Variants in GLIS1 observed in about 807,000 individuals in gnomAD.
GLIS1 encodes GLIS family zinc finger 1, also known as zinc finger protein GLIS1.
Under a neutral mutation model 63.8 loss-of-function variants are expected in GLIS1, and 24 were observed. The observed-to-expected ratio is 0.38, with a 90% CI of 0.27 to 0.53. The LOEUF is 0.53. Among genes scored for constraint, GLIS1 ranks in the 20% least tolerant of loss-of-function variants. GLIS1 has a pLI of 0.85. For synonymous variants in GLIS1, 450 were observed against 482.5 expected (o/e 0.93, Z 0.88); for missense variants, 1,036 against 1,074.1 (o/e 0.96, Z 0.50).
chr1:53,636,753 G>C (rs147888393), intron 2 of GLIS1, among the ~76,000 whole-genome samples: 2 of 152,282 alleles, frequency 1.3e-5, no homozygotes, highest in East Asian at 3.9e-4. Flanking sequence ...TCAGTCACTC[G>C]GCGACGCCTA....
chr1:53,633,168 G>A (rs556801445), intron 2 of GLIS1, among the ~76,000 whole-genome samples: 3 of 149,196 alleles, frequency 2.0e-5, no homozygotes, highest in East Asian at 2.0e-4. Context: ...GAGTGTGACC[G>A]AGGGGCATGT....
rs779719548 is a variant in GLIS1 at position 53,509,988 on chromosome 1, C to T, written c.1923G>A (p.Leu641=). 2.3e-5 allele frequency: 29 copies of T among 1,287,034 alleles called. No homozygotes were observed. Among genetic ancestry groups the T allele is most frequent in the East Asian group, 5.8e-5 (2 of 34,778 alleles). 79.7% of individuals were successfully genotyped at this position (1,287,034 alleles called of 1,614,324 possible). The stretch of plus-strand genomic sequence containing the variant: ...GCAGCGGCGGTGGCCCCAGCCCCTT[C>T]AGGGGGCTGACTATTGGTGAGAGGA... ...PGLLSPIVSP[L]KGLGPPPLPP... Residue 641 remains leucine (L), a synonymous_variant, in exon 9 of 11, where the codon CTG becomes CTA. Coordinates refer to ENST00000628545, the MANE Select transcript of GLIS1 (RefSeq NM_001367484.1).
chr1:53,578,556 C>G (rs1336783501), intron 4 of GLIS1, among the ~76,000 whole-genome samples: 1 of 152,210 alleles, frequency 6.6e-6, no homozygotes. Flanking sequence ...AAACTGCCCC[C>G]AGCACACAAG....
At chr1:53,518,094 C>A (rs60792673) in intron 7 of GLIS1, among the ~76,000 whole-genome samples, 1 of 152,208 alleles carries the variant, frequency 6.6e-6, no homozygotes, top group African/African-American at 2.4e-5. Context: ...ATCTGCCCTG[C>A]GGCCTGCAGA....
At chr1:53,524,610 G>A (rs368497842) in intron 6 of GLIS1, among the ~76,000 whole-genome samples, 167 bp downstream of exon 6, 8 of 152,182 alleles carry the variant, frequency 5.3e-5, no homozygotes, top group Admixed American at 4.6e-4. Context: ...GAGACACTAA[G>A]GGCAGGTGGG....
At chr1:53,593,962 C>G in intron 4 of GLIS1, 146 bp downstream of exon 4, 1 of 997,504 alleles carries the variant, frequency 1.0e-6, no homozygotes, top group Non-Finnish European at 1.4e-6. Flanking sequence ...GGGCCACATC[C>G]ACAGCATGGG....
intron 2 of GLIS1, among the ~76,000 whole-genome samples, chr1:53,697,328 G>A (rs896585629): frequency 6.6e-6 from 1 of 152,202 alleles, no homozygotes; most frequent in African/African-American, 2.4e-5. Context: ...AAGGCCCTCT[G>A]AGGTTCTCAC....
intron 4 of GLIS1, among the ~76,000 whole-genome samples, chr1:53,591,718 A>G (rs1163294636): frequency 1.3e-5 from 2 of 152,308 alleles, no homozygotes; most frequent in African/African-American, 2.4e-5. Context: ...TAGCACCTGC[A>G]CACAGTCTGT....
At chr1:53,723,006 GC>G (rs1020016406) in intron 2 of GLIS1, among the ~76,000 whole-genome samples, 35 of 151,282 alleles carry the variant, frequency 2.3e-4, no homozygotes, top group African/African-American at 8.2e-4. Context: ...GGTGGTGCAT[GC>G]CTGTAATCCC....
intron 2 of GLIS1, 24 bp from the exon 3 acceptor site, chr1:53,600,302 G>A: frequency 8.1e-7 from 1 of 1,229,034 alleles, no homozygotes; most frequent in Non-Finnish European, 1.0e-6. Flanking sequence ...GACAGGGAGA[G>A]AGGGACACAG....
At chr1:53,535,849 A>T (rs1644576216) in intron 4 of GLIS1, among the ~76,000 whole-genome samples, 1 of 151,922 alleles carries the variant, frequency 6.6e-6, no homozygotes, top group Admixed American at 6.6e-5. Context: ...CCAGTGCCTC[A>T]ACATGTACAG....
chr1:53,601,320 G>C (rs2100550933), intron 2 of GLIS1, among the ~76,000 whole-genome samples: 1 of 152,280 alleles, frequency 6.6e-6, no homozygotes, highest in East Asian at 1.9e-4. Context: ...AAACCTAGTG[G>C]ATGCACCAAG....
At chr1:53,682,372 C>T (rs1284675048) in intron 2 of GLIS1, among the ~76,000 whole-genome samples, 4 of 152,380 alleles carry the variant, frequency 2.6e-5, no homozygotes, top group Admixed American at 6.5e-5. Context: ...CCTGCATCCC[C>T]GCGAGGAGCT....
intron 2 of GLIS1, among the ~76,000 whole-genome samples, chr1:53,722,100 C>T (rs971677174): frequency 6.6e-6 from 1 of 152,212 alleles, no homozygotes; most frequent in Non-Finnish European, 1.5e-5. Flanking sequence ...AACCAGATGT[C>T]AATTCCATCT....
chr1:53,700,510 C>T lies in GLIS1; in HGVS notation c.259+37296G>A, dbSNP rs79683761. ...TGCATGGCCTCTGCTCGTGTAAATG[C>T]ATGGCCTCTGCTCGTGTAAATGCAT... is the stretch of plus-strand genomic sequence containing the variant. On this transcript the variant is annotated intron_variant, in intron 2 of 10. Coordinates refer to ENST00000628545, the MANE Select transcript of GLIS1 (RefSeq NM_001367484.1). 4.0e-3 allele frequency among the ~76,000 whole-genome samples: 609 copies of T among 152,310 alleles called. 6 individuals carry two copies. Among genetic ancestry groups the T allele is most frequent in the East Asian group, 0.016 (84 of 5,188 alleles).
Position 53,509,406 on chromosome 1 carries a change from G to A in GLIS1, c.2063-119C>T, listed in dbSNP as rs1182201313. The stretch of plus-strand genomic sequence containing the variant: ...TGTCCTGTCCAGGCATTGTGGGTGT[G>A]AGAGAGAGAGGAGGGCCCAGGGCAG... On this transcript the variant is annotated intron_variant, in intron 9 of 10. Coordinates refer to ENST00000628545, the MANE Select transcript of GLIS1 (RefSeq NM_001367484.1). 4.7e-6 allele frequency: 5 copies of A among 1,067,074 alleles called. No homozygotes were observed. The African/African-American group carries it at 6.3e-5, about 13-fold the overall frequency. 66.1% of individuals were successfully genotyped at this position (1,067,074 alleles called of 1,614,324 possible).
At chr1:53,709,353 T>TATAC (rs565698424) in intron 2 of GLIS1, among the ~76,000 whole-genome samples, 53 of 96,310 alleles carry the variant, frequency 5.5e-4, no homozygotes, top group Non-Finnish European at 9.0e-4. Context: ...TATATACATA[T>TATAC]ATATACATAT....
chr1:53,527,642 G>A (rs562719338), intron 5 of GLIS1, among the ~76,000 whole-genome samples: 1 of 152,342 alleles, frequency 6.6e-6, no homozygotes, highest in East Asian at 1.9e-4. Context: ...GGTGAGCTAG[G>A]GACATGGCTG....
At chr1:53,714,356 G>A (rs1646676213) in intron 2 of GLIS1, among the ~76,000 whole-genome samples, 1 of 152,224 alleles carries the variant, frequency 6.6e-6, no homozygotes, top group Admixed American at 6.5e-5. Context: ...CATTTCAACT[G>A]CAGAATGGGT....
Sources: allele counts gnomAD v4.1 joint callset (sites outside exome capture counted in the v4.1 genomes callset), GRCh38; gene constraint gnomAD v4.1.1; transcripts MANE v1.5; gene names NCBI Gene and HGNC (gene_info 2026-07-23, HGNC 2026-07-21).